ULK4: variants seen among roughly 807,000 people sequenced by gnomAD.
ULK4 encodes unc-51 like kinase 4, also known as inactive serine/threonine-protein kinase ULK4.
A neutral mutation model predicts 160.6 loss-of-function variants in ULK4; 133 were observed. The observed-to-expected ratio is 0.83, with a 90% CI of 0.72 to 0.96. The LOEUF (loss-of-function observed/expected upper bound fraction) is 0.96. Among genes scored for constraint, ULK4 ranks in the 40% least tolerant of loss-of-function variants. The pLI, the probability that ULK4 is intolerant of heterozygous loss-of-function variation, is 0.00. For missense variants in ULK4, 1,580 were observed against 1,499.5 expected, an observed-to-expected ratio of 1.05 and a Z score of -0.89; for synonymous variants, 534 against 539.8, an observed-to-expected ratio of 0.99 and a Z score of 0.15.
intron 1 of ULK4, among the ~76,000 whole-genome samples, chr3:41,957,987 T>C (rs1484843274): frequency 6.7e-6 from 1 of 149,156 alleles, no homozygotes; most frequent in Non-Finnish European, 1.5e-5. Context: ...GAGGTTGCAG[T>C]GAGCCAAGAT....
chr3:41,842,139 CA>C (rs60925540), intron 17 of ULK4, among the ~76,000 whole-genome samples: 5,312 of 68,604 alleles, frequency 0.077, 389 homozygotes, highest in African/African-American at 0.23. Flanking sequence ...TCAATAAATA[CA>C]AAAAAAAAAA....
At chr3:41,869,063 T>A (rs1468966081) in intron 17 of ULK4, 3 of 152,186 alleles carry the variant, frequency 2.0e-5, no homozygotes, top group Non-Finnish European at 4.4e-5. Context: ...TTACAATCAA[T>A]TAGTTGTAAA....
intron 35 of ULK4, among the ~76,000 whole-genome samples, chr3:41,280,777 A>C (rs2079335760): frequency 1.3e-5 from 2 of 152,180 alleles, no homozygotes; most frequent in Non-Finnish European, 2.9e-5. Flanking sequence ...ACACATTCAA[A>C]AGCTAGCAGA....
chr3:41,518,802 T>C (rs140709689), intron 32 of ULK4, among the ~76,000 whole-genome samples: 2 of 152,296 alleles, frequency 1.3e-5, no homozygotes, highest in African/African-American at 4.8e-5. Context: ...CACATTTCCA[T>C]CTTTATTTCC....
At chr3:41,476,398 T>C (rs2084145240) in intron 32 of ULK4, among the ~76,000 whole-genome samples, 1 of 152,196 alleles carries the variant, frequency 6.6e-6, no homozygotes, top group African/African-American at 2.4e-5. Context: ...CAGACAGCCA[T>C]GATCAAGACA....
At chr3:41,501,744 T>C (rs575392022) in intron 32 of ULK4, among the ~76,000 whole-genome samples, 13 of 152,264 alleles carry the variant, frequency 8.5e-5, no homozygotes, top group South Asian at 2.1e-4. Flanking sequence ...TGCTATACCA[T>C]AGATCTCTTA....
chr3:41,622,994 G>A (rs2033329099), intron 30 of ULK4, among the ~76,000 whole-genome samples: 1 of 152,134 alleles, frequency 6.6e-6, no homozygotes. Context: ...ATAAACAACA[G>A]GCAGTGGGCC....
At chr3:41,866,215 C>T (rs1378610461) in intron 17 of ULK4, among the ~76,000 whole-genome samples, 1 of 152,216 alleles carries the variant, frequency 6.6e-6, no homozygotes, top group Non-Finnish European at 1.5e-5. Flanking sequence ...ATATGTACAT[C>T]GTAAGACCTC....
intron 32 of ULK4, among the ~76,000 whole-genome samples, chr3:41,560,315 C>T (rs1169697623): frequency 1.3e-5 from 2 of 151,996 alleles, no homozygotes; most frequent in Non-Finnish European, 2.9e-5. Flanking sequence ...CAGCTTTGTT[C>T]TTTTGGCTTA....
intron 30 of ULK4, 83 bp from the exon 31 acceptor site, chr3:41,615,800 C>G: frequency 8.0e-7 from 1 of 1,249,842 alleles, no homozygotes; most frequent in Non-Finnish European, 1.1e-6. Flanking sequence ...CACCTCAGCC[C>G]CCATGTTTTA....
chr3:41,846,795 ACT>A (rs772558786), intron 17 of ULK4, among the ~76,000 whole-genome samples: 5 of 133,950 alleles, frequency 3.7e-5, no homozygotes, highest in Non-Finnish European at 7.6e-5. Context: ...ACAGAGCGAG[ACT>A]CTCTCTCTCA....
chr3:41,906,374 G>A (rs888068312), intron 12 of ULK4, among the ~76,000 whole-genome samples: 2 of 151,958 alleles, frequency 1.3e-5, no homozygotes, highest in African/African-American at 4.8e-5. Context: ...ACAATTTTTT[G>A]TAAACTTAGC....
chr3:41,345,843 T>C (rs1186074229), intron 35 of ULK4, among the ~76,000 whole-genome samples: 2 of 152,002 alleles, frequency 1.3e-5, no homozygotes, highest in Non-Finnish European at 2.9e-5. Context: ...AATGCTACAA[T>C]GGGAGTAGCA....
intron 25 of ULK4, among the ~76,000 whole-genome samples, chr3:41,710,792 CAAA>C (rs201586973): frequency 1.3e-4 from 13 of 103,610 alleles, no homozygotes; most frequent in Admixed American, 2.2e-4. Context: ...ACTCTTGTCT[CAAA>C]AAAAAAAAAA....
At chr3:41,723,631 C>T (rs113378774) in intron 22 of ULK4, among the ~76,000 whole-genome samples, 1 of 152,208 alleles carries the variant, frequency 6.6e-6, no homozygotes, top group Non-Finnish European at 1.5e-5. Context: ...CCTTACATTA[C>T]CTCCTCTGGC....
At chr3:41,891,870 A>T (rs1475236579) in intron 16 of ULK4, among the ~76,000 whole-genome samples, 1 of 152,202 alleles carries the variant, frequency 6.6e-6, no homozygotes, top group East Asian at 1.9e-4. Flanking sequence ...GTGCCACTGC[A>T]CTCCAGCCTG....
chr3:41,292,999 G>A (rs2079600888), intron 35 of ULK4, among the ~76,000 whole-genome samples: 1 of 152,118 alleles, frequency 6.6e-6, no homozygotes, highest in African/African-American at 2.4e-5. Context: ...GTGCATGTCT[G>A]TAGTCCCGGT....
At chr3:41,819,157 C>G (rs992900637) in intron 19 of ULK4, among the ~76,000 whole-genome samples, 2 of 152,114 alleles carry the variant, frequency 1.3e-5, no homozygotes, top group Non-Finnish European at 2.9e-5. Context: ...TAAGAATATG[C>G]TATTGAATGT....
intron 17 of ULK4, among the ~76,000 whole-genome samples, chr3:41,840,152 G>C (rs1284899596): frequency 5.9e-5 from 9 of 152,220 alleles, no homozygotes; most frequent in Admixed American, 5.9e-4. Flanking sequence ...ATGTGGGCCA[G>C]GCACAGTGAC....
Sources: gnomAD v4.1 joint callset for allele counts (sites outside exome capture counted in the v4.1 genomes callset) on GRCh38, gnomAD v4.1.1 for gene constraint, MANE v1.5 for transcripts, NCBI Gene and HGNC (gene_info 2026-07-23, HGNC 2026-07-21) for gene names.